Variants in TMPRSS6 observed in about 807,000 individuals in gnomAD.
TMPRSS6 encodes transmembrane protease serine 6.
A neutral mutation model predicts 101.5 loss-of-function variants in TMPRSS6; 67 were observed. That is an observed-to-expected ratio of 0.66 (90% CI 0.54 to 0.81). TMPRSS6 has a LOEUF of 0.81. TMPRSS6 is among the 30% of genes least tolerant of loss of function. The pLI, the probability that TMPRSS6 is intolerant of heterozygous loss-of-function variation, is 0.00. For missense variants in TMPRSS6, 1,034 were observed against 1,088.7 expected (o/e 0.95, Z 0.71); for synonymous variants, 453 against 464.9 (o/e 0.97, Z 0.33).
intron 13 of TMPRSS6, among the ~76,000 whole-genome samples, chr22:37,072,196 G>A (rs1927014302): frequency 1.4e-5 from 2 of 147,244 alleles, no homozygotes; most frequent in Non-Finnish European, 3.0e-5. Context: ...ATGGATGATG[G>A]ATGAATGGAT....
Position 37,075,408 on chromosome 22 carries a change from G to A in TMPRSS6, c.1197-128C>T, listed in dbSNP as rs189234078. 5.5e-6 allele frequency: 7 copies of A among 1,283,240 alleles called. No homozygotes were observed. In the African/African-American group the frequency reaches 8.8e-5, roughly 16 times the overall value. 79.5% of individuals were successfully genotyped at this position (1,283,240 alleles called of 1,614,324 possible). A position where few individuals can be genotyped will look rare whatever the true frequency, so the allele number is the denominator to read the frequency against. ...ACGCCCGCTGTGCCTCCTCTGCCCTGATTTCTCCCTTAGATGAGTGCACCC... is the reference window on the plus strand; with the variant it reads ...ACGCCCGCTGTGCCTCCTCTGCCCTAATTTCTCCCTTAGATGAGTGCACCC... On this transcript the variant is annotated intron_variant, in intron 10 of 17. Coordinates refer to ENST00000676104, the MANE Select transcript of TMPRSS6 (RefSeq NM_001374504.1).
At chr22:37,098,631 C>G in intron 2 of TMPRSS6, 82 bp from the exon 3 acceptor site, 1 of 1,600,054 alleles carries the variant, frequency 6.2e-7, no homozygotes. Context: ...CTCCTGCCAC[C>G]CACACCCTCA....
At position 37,103,472 on chromosome 22, in the gene TMPRSS6, T is replaced by C. The variant is rs1166985020; in HGVS notation, c.-1-54A>G. ...ACAGCCTCGCATTTGCAAGGGAGCC[T>C]CTGCTGAGCACCGGTGGGGCACGGA... On this transcript the variant is annotated intron_variant, in intron 1 of 17. Transcript: ENST00000676104. This position sits in a 1 kb window ranked among gnomAD's most constrained non-coding sequence, Gnocchi z 4.4. 6.2e-7 allele frequency: 1 copy of C among 1,614,066 alleles called. No homozygotes were observed. Among genetic ancestry groups the C allele is most frequent in the Non-Finnish European group, 8.5e-7 (1 of 1,180,032 alleles).
intron 4 of TMPRSS6, among the ~76,000 whole-genome samples, chr22:37,096,399 C>T (rs1243441443): frequency 2.0e-5 from 3 of 152,222 alleles, no homozygotes; most frequent in South Asian, 2.1e-4. Context: ...CATCGCCTCG[C>T]CTGATGGTGT....
At chr22:37,094,597 A>G (rs1929590614) in intron 6 of TMPRSS6, among the ~76,000 whole-genome samples, 1 of 151,094 alleles carries the variant, frequency 6.6e-6, no homozygotes, top group Non-Finnish European at 1.5e-5. Flanking sequence ...TGCATTCTTT[A>G]CCATTCTACT....
Position 37,103,316 on chromosome 22 carries a change from G to A in TMPRSS6, c.102C>T (p.Ser34=). Residue 34 remains serine, a synonymous_variant, in exon 2 of 18, where the codon TCC becomes TCT. Coordinates refer to ENST00000676104, the MANE Select transcript of TMPRSS6 (RefSeq NM_001374504.1). This position sits in a 1 kb window ranked among gnomAD's most constrained non-coding sequence, Gnocchi z 4.4. ...GGAGGTAGCCCCGGGCTTTTCTCTT[G>A]GAGTCCTCACAGGCCTTGAACATCC... is the stretch of plus-strand genomic sequence containing the variant. ...PEGMFKACED[S]KRKARGYLRL... 5.0e-6 allele frequency: 8 copies of A among 1,614,190 alleles called. No individual in the cohort carries two copies. In the Middle Eastern group the frequency reaches 8.2e-4, roughly 166 times the overall value.
In TMPRSS6 at chr22:37,066,192, C is replaced by A; in HGVS notation, c.2297G>T (p.Trp766Leu). The A allele has an allele frequency of 6.2e-7, 1 of 1,613,132 alleles. No individual in the cohort carries two copies. Among genetic ancestry groups the A allele is most frequent in the East Asian group, 2.2e-5 (1 of 44,890 alleles). Residue 766 changes from tryptophan (W) to leucine (L), a missense_variant, in exon 18 of 18, where the codon TGG (tryptophan) becomes TTG (leucine). Coordinates refer to ENST00000676104, the MANE Select transcript of TMPRSS6 (RefSeq NM_001374504.1). ...PLVCKALSGR[W>L]FLAGLVSWGL... is the part of the protein sequence containing the mutation. Reference sequence around the variant, plus strand: ...CCAGCTGACCAGCCCCGCCAGGAACCAGCGGCCACTGAGTGCCTTGCACAC... The same window carrying A: ...CCAGCTGACCAGCCCCGCCAGGAACAAGCGGCCACTGAGTGCCTTGCACAC...
chr22:37,073,497 G>C, intron 13 of TMPRSS6, 35 bp downstream of exon 13: 1 of 1,476,616 alleles, frequency 6.8e-7, no homozygotes, highest in Non-Finnish European at 9.5e-7. Context: ...ACTGCCTTTG[G>C]TGTCCCTCCA....
intron 6 of TMPRSS6, among the ~76,000 whole-genome samples, chr22:37,093,537 G>C (rs1254436164): frequency 6.7e-6 from 1 of 150,046 alleles, no homozygotes; most frequent in Non-Finnish European, 1.5e-5. Flanking sequence ...TGACTGGTTA[G>C]GACTACAGGT....
rs776698678 is a variant in TMPRSS6, at chr22:37,075,219, C to T, written c.1258G>A (p.Gly420Arg). Residue 420 changes from glycine (G) to arginine (R), a missense_variant, in exon 11 of 18, where the codon GGG (glycine) becomes AGG (arginine). Transcript: ENST00000676104. Reference sequence around the variant, plus strand: ...TGGGAGGTGAAGTTGATGGTGATCCCGGCCGTGGCCACCACGGGGATCCTC... The same window carrying T: ...TGGGAGGTGAAGTTGATGGTGATCCTGGCCGTGGCCACCACGGGGATCCTC... ...AERIPVVATA[G>R]ITINFTSQIS... The T allele has an allele frequency of 6.6e-5, 106 of 1,613,758 alleles. No individual in the cohort carries two copies. The South Asian group carries it at 6.7e-4, about 10-fold the overall frequency.
rs1027935128 is a variant in TMPRSS6 at position 37,084,638 on chromosome 22, G to A, written c.1086+89C>T. ...AGCCTGTGGGCGCTTCAGCAGAGGC[G>A]GGACACTGCCCCCTCTCATCCCGGG... On this transcript the variant is annotated intron_variant, in intron 9 of 17. Transcript: ENST00000676104. 86 of 1,180,174 alleles carry A rather than the reference G, an allele frequency of 7.3e-5. 1 individual carries two copies. Among genetic ancestry groups the A allele is most frequent in the Non-Finnish European group, 9.2e-5 (75 of 816,442 alleles). The allele number at this position is 1,180,174 out of a possible 1,614,324, so 73.1% of individuals were successfully genotyped here.
At chr22:37,094,182 G>T (rs1249512831) in intron 6 of TMPRSS6, among the ~76,000 whole-genome samples, 1 of 152,024 alleles carries the variant, frequency 6.6e-6, no homozygotes, top group East Asian at 1.9e-4. Flanking sequence ...ACTTACTATT[G>T]GTTGTAGATT....
chr22:37,091,085 ATCAT>A (rs561861674), intron 6 of TMPRSS6, among the ~76,000 whole-genome samples: 6 of 151,788 alleles, frequency 4.0e-5, no homozygotes, highest in African/African-American at 9.7e-5. Context: ...TACCACCTGC[ATCAT>A]TCATTCATTC....
At chr22:37,100,200 C>T (rs1171788809) in intron 2 of TMPRSS6, among the ~76,000 whole-genome samples, 1 of 152,252 alleles carries the variant, frequency 6.6e-6, no homozygotes, top group African/African-American at 2.4e-5. Context: ...CTCCTGACCT[C>T]AGGTGATCCA....
rs76686578 is a variant in TMPRSS6 at position 37,070,896 on chromosome 22, G to A, written c.1672+20C>T. Reference sequence around the variant, plus strand: ...CCTCCCTCCCAAGCTCCAGGGCCCCGGCAGCCAGGCAGGGCTCACCACAGT... The same window carrying A: ...CCTCCCTCCCAAGCTCCAGGGCCCCAGCAGCCAGGCAGGGCTCACCACAGT... On this transcript the variant is annotated intron_variant, in intron 14 of 17. Transcript: ENST00000676104. The A allele has an allele frequency of 3.3e-3, 5,299 of 1,609,734 alleles. 14 individuals are homozygous for A. The highest frequency in any genetic ancestry group is 4.3e-3 in the Non-Finnish European group (5,042 of 1,177,778).
Position 37,106,282 on chromosome 22 carries a change from T to TA in TMPRSS6, c.-1-2865dup, listed in dbSNP as rs1218518843. ...TCACTGAGCCCTACTACCTCTCAGA[T>TA]AATCAGTGTAAAGAGAGGGAAACTG... is the stretch of plus-strand genomic sequence containing the variant. On this transcript the variant is annotated intron_variant, in intron 1 of 17. Coordinates refer to ENST00000676104, the MANE Select transcript of TMPRSS6 (RefSeq NM_001374504.1). 2.0e-5 allele frequency among the ~76,000 whole-genome samples: 3 copies of TA among 152,132 alleles called. No homozygotes were observed. The South Asian group carries it at 6.2e-4, about 32-fold the overall frequency.
chr22:37,069,460 AC>A lies in TMPRSS6; in HGVS notation c.1842-117del. 1 of 1,029,652 alleles carries A rather than the reference AC, an allele frequency of 9.7e-7. No individual in the cohort carries two copies. Among genetic ancestry groups the A allele is most frequent in the Non-Finnish European group, 1.4e-6 (1 of 710,284 alleles). The allele number at this position is 1,029,652 out of a possible 1,614,324, so 63.8% of individuals were successfully genotyped here. On this transcript the variant is annotated intron_variant, in intron 15 of 17. Coordinates refer to ENST00000676104, the MANE Select transcript of TMPRSS6 (RefSeq NM_001374504.1). This position sits in a 1 kb window ranked among gnomAD's most constrained non-coding sequence, Gnocchi z 4.8. ...CCCCGCCCGGGACAGTGCCCTCCAC[AC>A]CCAGCCCTCCCTTCCCTCCCTGAAG...
rs568890120 is a variant in TMPRSS6, at chr22:37,077,689, G to A, written c.1197-2409C>T. Among the ~76,000 whole-genome samples the A allele has an allele frequency of 1.1e-4, 16 of 152,232 alleles. No homozygotes were observed. The South Asian group carries it at 3.1e-3, about 30-fold the overall frequency. On this transcript the variant is annotated intron_variant, in intron 10 of 17. Transcript: ENST00000676104. Reference sequence around the variant, plus strand: ...AATGACAGCACTCTTGTCACTAAATGTTTTTACTTTTGGAGGATGCAACTA... The same window carrying A: ...AATGACAGCACTCTTGTCACTAAATATTTTTACTTTTGGAGGATGCAACTA...
chr22:37,103,771 G>A lies in TMPRSS6; in HGVS notation c.-1-353C>T. 1 of 629,454 alleles carries A rather than the reference G, an allele frequency of 1.6e-6. No individual in the cohort carries two copies. Among genetic ancestry groups the A allele is most frequent in the Non-Finnish European group, 2.8e-6 (1 of 351,966 alleles). The allele number at this position is 629,454 out of a possible 1,614,324, so 39.0% of individuals were successfully genotyped here. Reference sequence around the variant, plus strand: ...CACAGACAGAACTGAAGTACATGGGGTGCAGACTTCTGTAGACATCTGACC... The same window carrying A: ...CACAGACAGAACTGAAGTACATGGGATGCAGACTTCTGTAGACATCTGACC... On this transcript the variant is annotated intron_variant, in intron 1 of 17. Transcript: ENST00000676104. This position sits in a 1 kb window ranked among gnomAD's most constrained non-coding sequence, Gnocchi z 4.4.
Sources: allele counts gnomAD v4.1 joint callset (sites outside exome capture counted in the v4.1 genomes callset), GRCh38; gene constraint gnomAD v4.1.1; non-coding constraint Gnocchi (gnomAD v3.1); transcripts MANE v1.5; gene names NCBI Gene and HGNC (gene_info 2026-07-23, HGNC 2026-07-21).